The following NDUFAF2 variants were observed in gnomAD, a reference collection of about 807,000 sequenced individuals.
NDUFAF2 encodes NADH:ubiquinone oxidoreductase complex assembly factor 2, also known as NADH dehydrogenase [ubiquinone] 1 alpha subcomplex assembly factor 2.
NDUFAF2 carries 13 observed loss-of-function variants against 22.8 expected under a neutral mutation model. That is an observed-to-expected ratio of 0.57 (90% CI 0.37 to 0.91). The LOEUF is 0.91. Ranked by LOEUF, NDUFAF2 falls within the 40% of genes least tolerant of loss-of-function variation. The pLI, the probability that NDUFAF2 is intolerant of heterozygous loss-of-function variation, is 0.01. For missense variants in NDUFAF2, 162 were observed against 195.2 expected (o/e 0.83, Z 1.01); for synonymous variants, 53 against 64.2 (o/e 0.83, Z 0.84).
chr5:61,010,194 G>A (rs139839218), intron 1 of NDUFAF2, among the ~76,000 whole-genome samples: 36 of 152,118 alleles, frequency 2.4e-4, no homozygotes, highest in Middle Eastern at 3.4e-3. Context: ...TCTGGTCTTG[G>A]TGAGATTTCT....
At chr5:60,971,518 A>G (rs1202124704) in intron 1 of NDUFAF2, among the ~76,000 whole-genome samples, 2 of 151,576 alleles carry the variant, frequency 1.3e-5, no homozygotes, top group East Asian at 3.9e-4. Flanking sequence ...CGATCTCCTG[A>G]CCTCGTGATC....
chr5:61,123,072 AG>A (rs1461174452), intron 3 of NDUFAF2, among the ~76,000 whole-genome samples: 1 of 152,172 alleles, frequency 6.6e-6, no homozygotes, highest in Non-Finnish European at 1.5e-5. Context: ...AGTTCTCAGC[AG>A]GGATTGGGTC....
intron 1 of NDUFAF2, among the ~76,000 whole-genome samples, chr5:60,989,133 A>G (rs112562462): frequency 0.024 from 3,661 of 152,358 alleles, 63 homozygotes; most frequent in Non-Finnish European, 0.037. Flanking sequence ...AAGAAGACAT[A>G]CATGCAGCCA....
chr5:61,122,087 C>T (rs1752983082), intron 3 of NDUFAF2, among the ~76,000 whole-genome samples: 1 of 152,046 alleles, frequency 6.6e-6, no homozygotes, highest in Non-Finnish European at 1.5e-5. Context: ...ACCTTGGCCT[C>T]ACCAAAGTGT....
intron 1 of NDUFAF2, among the ~76,000 whole-genome samples, chr5:60,967,112 A>C (rs775928611): frequency 6.6e-6 from 1 of 152,002 alleles, no homozygotes; most frequent in Non-Finnish European, 1.5e-5. Context: ...TTGTAGCTAT[A>C]GTAAATGGAA....
chr5:60,965,724 T>G (rs1367753377), intron 1 of NDUFAF2, among the ~76,000 whole-genome samples: 1 of 152,172 alleles, frequency 6.6e-6, no homozygotes, highest in Non-Finnish European at 1.5e-5. Context: ...TTTAATAGAG[T>G]TCCATTGTGT....
At chr5:61,029,023 G>T (rs1751691236) in intron 1 of NDUFAF2, among the ~76,000 whole-genome samples, 1 of 151,434 alleles carries the variant, frequency 6.6e-6, no homozygotes, top group Non-Finnish European at 1.5e-5. Flanking sequence ...AAACTGTACA[G>T]ACCACTTTTC....
intron 1 of NDUFAF2, among the ~76,000 whole-genome samples, chr5:60,993,819 A>G (rs759027728): frequency 2.6e-5 from 4 of 152,204 alleles, no homozygotes; most frequent in Non-Finnish European, 4.4e-5. Flanking sequence ...GGCTGAGCCC[A>G]GGGCTTTTAT....
chr5:61,082,686 G>A (rs976519167), intron 2 of NDUFAF2, among the ~76,000 whole-genome samples: 3 of 152,116 alleles, frequency 2.0e-5, no homozygotes, highest in African/African-American at 7.2e-5. Flanking sequence ...CCATGTTGCT[G>A]CAAAGGACAT....
chr5:61,151,719 G>A (rs778303667), intron 3 of NDUFAF2, among the ~76,000 whole-genome samples: 4 of 151,050 alleles, frequency 2.6e-5, no homozygotes, highest in Non-Finnish European at 4.4e-5. Context: ...TGGAGATTGC[G>A]GTGAGCCGAG....
intron 1 of NDUFAF2, among the ~76,000 whole-genome samples, chr5:61,037,053 A>G (rs560072083): frequency 2.6e-5 from 4 of 152,266 alleles, no homozygotes; most frequent in African/African-American, 7.2e-5. Flanking sequence ...TGTAAATAGT[A>G]TAAGACCATA....
chr5:61,092,553 G>A (rs1752582250), intron 2 of NDUFAF2, among the ~76,000 whole-genome samples: 1 of 152,088 alleles, frequency 6.6e-6, no homozygotes, highest in African/African-American at 2.4e-5. Flanking sequence ...TTTGCACATT[G>A]ATTTTGTATC....
intron 1 of NDUFAF2, among the ~76,000 whole-genome samples, chr5:60,962,861 T>C (rs1180856697): frequency 6.6e-6 from 1 of 151,818 alleles, no homozygotes; most frequent in African/African-American, 2.4e-5. Flanking sequence ...GACTGACTTA[T>C]AAACAAAGAG....
chr5:60,994,289 C>T (rs764453015), intron 1 of NDUFAF2, among the ~76,000 whole-genome samples: 36 of 152,320 alleles, frequency 2.4e-4, no homozygotes, highest in South Asian at 1.0e-3. Context: ...CACAGATGCC[C>T]GGCTCTGTAA....
At chr5:61,080,539 T>G (rs1294281220) in intron 2 of NDUFAF2, among the ~76,000 whole-genome samples, 1 of 152,232 alleles carries the variant, frequency 6.6e-6, no homozygotes, top group Non-Finnish European at 1.5e-5. Flanking sequence ...TCATTACATT[T>G]GAGCCATTCT....
At chr5:61,034,912 A>ATATATGTGTG (rs111557328) in intron 1 of NDUFAF2, among the ~76,000 whole-genome samples, 3 of 144,888 alleles carry the variant, frequency 2.1e-5, no homozygotes, top group Admixed American at 1.4e-4. Flanking sequence ...GCAAATATAT[A>ATATATGTGTG]TGTGTGTGTG....
chr5:61,066,510 C>T (rs568135589), intron 1 of NDUFAF2, among the ~76,000 whole-genome samples: 21 of 152,006 alleles, frequency 1.4e-4, no homozygotes, highest in East Asian at 3.9e-4. Context: ...CAAAACAGTA[C>T]GGTACTGGCA....
Position 61,014,997 on chromosome 5 carries a change from A to G in NDUFAF2, c.128-58128A>G, listed in dbSNP as rs117710637. ...TTTATTCAACACCCATGATATAGGCATTAAATAATAATGCAGAATTTTTGT... is the reference window on the plus strand; with the variant it reads ...TTTATTCAACACCCATGATATAGGCGTTAAATAATAATGCAGAATTTTTGT... On this transcript the variant is annotated intron_variant, in intron 1 of 3. Coordinates refer to ENST00000296597, the MANE Select transcript of NDUFAF2 (RefSeq NM_174889.5). Among the ~76,000 whole-genome samples, 917 of 152,334 alleles carry G rather than the reference A, an allele frequency of 6.0e-3. 24 individuals carry two copies. The South Asian group carries it at 0.078, about 13-fold the overall frequency.
At chr5:60,965,879 T>G (rs1480576021) in intron 1 of NDUFAF2, among the ~76,000 whole-genome samples, 1 of 152,196 alleles carries the variant, frequency 6.6e-6, no homozygotes, top group Non-Finnish European at 1.5e-5. Flanking sequence ...TGTGGATATA[T>G]ACCCAGTAGT....
Sources: gnomAD v4.1 joint callset for allele counts (sites outside exome capture counted in the v4.1 genomes callset) on GRCh38, gnomAD v4.1.1 for gene constraint, MANE v1.5 for transcripts, NCBI Gene and HGNC (gene_info 2026-07-23, HGNC 2026-07-21) for gene names.